The following HAPSTR1 variants were observed in gnomAD, a reference collection of about 807,000 sequenced individuals.
HAPSTR1 encodes HUWE1-associated protein modifying stress responses 1.
chr16:9,094,347 T>G, the HAPSTR1 span, among the ~76,000 whole-genome samples: 1 of 152,218 alleles, frequency 6.6e-6, no homozygotes, highest in Non-Finnish European at 1.5e-5. Flanking sequence ...CATCTATCAG[T>G]GCTGACGGTC....
chr16:9,097,241 T>TTC, the HAPSTR1 span, among the ~76,000 whole-genome samples: 3 of 17,988 alleles, frequency 1.7e-4, no homozygotes, highest in African/African-American at 3.9e-3. Context: ...CGCCTGGCTC[T>TTC]TTTTTTTTTT....
At chr16:9,092,248 C>G in the HAPSTR1 span, 1 of 1,573,030 alleles carries the variant, frequency 6.4e-7, no homozygotes, top group South Asian at 1.2e-5. Context: ...ACTCGGCCAC[C>G]GCCGTGGCCC....
At chr16:9,107,431 C>G in the HAPSTR1 span, 1 of 152,308 alleles carries the variant, frequency 6.6e-6, no homozygotes, top group South Asian at 2.1e-4. Context: ...GTGCTCAGGG[C>G]AGGCCCTCTG....
the HAPSTR1 span, chr16:9,091,666 G>A: frequency 1.5e-5 from 6 of 398,226 alleles, no homozygotes; most frequent in South Asian, 1.3e-4. Context: ...GGTGGGCTCC[G>A]CGGTGCAGGC....
the HAPSTR1 span, among the ~76,000 whole-genome samples, chr16:9,096,508 C>G: frequency 6.6e-6 from 1 of 152,178 alleles, no homozygotes; most frequent in Non-Finnish European, 1.5e-5. Flanking sequence ...CTTTATATGT[C>G]TCACTTCAGT....
the HAPSTR1 span, among the ~76,000 whole-genome samples, chr16:9,116,271 G>T: frequency 6.6e-6 from 1 of 152,206 alleles, no homozygotes; most frequent in African/African-American, 2.4e-5. Flanking sequence ...ACACTCATCA[G>T]AGGGGTCTGT....
the HAPSTR1 span, chr16:9,113,050 T>C: frequency 6.6e-6 from 1 of 150,816 alleles, no homozygotes; most frequent in Non-Finnish European, 1.5e-5. Flanking sequence ...TTTTTTTTAG[T>C]TCTGAAGCAT....
At chr16:9,115,862 G>A in the HAPSTR1 span, among the ~76,000 whole-genome samples, 15 of 152,036 alleles carry the variant, frequency 9.9e-5, no homozygotes, top group Non-Finnish European at 1.6e-4. Context: ...AGATCTGCCC[G>A]GCCTCCCAAA....
At chr16:9,115,983 A>G in the HAPSTR1 span, among the ~76,000 whole-genome samples, 2 of 152,178 alleles carry the variant, frequency 1.3e-5, no homozygotes, top group Admixed American at 6.5e-5. Flanking sequence ...CCCCACTTCC[A>G]TGAAGGATTA....
the HAPSTR1 span, among the ~76,000 whole-genome samples, chr16:9,099,491 C>T: frequency 6.6e-6 from 1 of 152,200 alleles, no homozygotes; most frequent in Admixed American, 6.5e-5. Context: ...CTGTGCCATG[C>T]CCGCCCAGTT....
At chr16:9,111,870 A>G in the HAPSTR1 span, 3 of 151,730 alleles carry the variant, frequency 2.0e-5, no homozygotes, top group African/African-American at 4.9e-5. Context: ...TATAAATATT[A>G]AAGTTATTTC....
the HAPSTR1 span, chr16:9,118,458 T>G: frequency 1.3e-5 from 2 of 152,676 alleles, no homozygotes; most frequent in African/African-American, 4.8e-5. Context: ...CTGGGTGGGA[T>G]GTGAATGGAA....
At chr16:9,093,399 C>T in the HAPSTR1 span, among the ~76,000 whole-genome samples, 24,750 of 152,168 alleles carry the variant, frequency 0.16, 2,167 homozygotes, top group Non-Finnish European at 0.19. Flanking sequence ...TGAGCCTTGC[C>T]TCCCTCTGGA....
At chr16:9,104,566 C>T in the HAPSTR1 span, 2 of 152,144 alleles carry the variant, frequency 1.3e-5, no homozygotes, top group African/African-American at 4.8e-5. Context: ...CTCTGGCAAA[C>T]CGTAGTTCTT....
chr16:9,115,044 T>A, the HAPSTR1 span, among the ~76,000 whole-genome samples: 4 of 152,026 alleles, frequency 2.6e-5, no homozygotes, highest in African/African-American at 4.8e-5. Context: ...ATTGGTTGGA[T>A]CAGTGCAGAA....
At chr16:9,109,440 G>C in the HAPSTR1 span, 1 of 152,196 alleles carries the variant, frequency 6.6e-6, no homozygotes, top group Admixed American at 6.5e-5. Context: ...GTCTCTGCAA[G>C]TTGCTGACCC....
the HAPSTR1 span, chr16:9,117,038 A>G: frequency 2.2e-6 from 3 of 1,383,776 alleles, no homozygotes; most frequent in African/African-American, 2.9e-5. Context: ...TGAATTCTAT[A>G]GTGGTTGCCA....
chr16:9,110,066 T>C, the HAPSTR1 span: 1 of 151,772 alleles, frequency 6.6e-6, no homozygotes, highest in African/African-American at 2.4e-5. Context: ...AATAGAATTA[T>C]AGTAGACAGT....
chr16:9,097,146 G>C, the HAPSTR1 span, among the ~76,000 whole-genome samples: 2 of 151,934 alleles, frequency 1.3e-5, no homozygotes, highest in Non-Finnish European at 2.9e-5. Context: ...CACCATGTTG[G>C]CCAGGCTGGT....
Sources: gnomAD v4.1 joint callset for allele counts (sites outside exome capture counted in the v4.1 genomes callset) on GRCh38, gnomAD v4.1.1 for gene constraint, MANE v1.5 for transcripts, NCBI Gene and HGNC (gene_info 2026-07-23, HGNC 2026-07-21) for gene names.